MAF: variants seen among roughly 807,000 people sequenced by gnomAD.
The protein encoded by MAF is transcription factor Maf.
A neutral mutation model predicts 22.0 loss-of-function variants in MAF; 10 were observed. The observed-to-expected ratio is 0.45, with a 90% CI of 0.28 to 0.77. MAF has a LOEUF of 0.77. Ranked by LOEUF, MAF falls within the 30% of genes least tolerant of loss-of-function variation. MAF has a pLI of 0.12. For synonymous variants in MAF, 337 were observed against 255.8 expected (o/e 1.32, Z -3.03); for missense variants, 544 against 548.4 (o/e 0.99, Z 0.08).
At chr16:79,502,715 ATATAT>A in the MAF span, among the ~76,000 whole-genome samples, 657 of 40,854 alleles carry the variant, frequency 0.016, 8 homozygotes, top group Middle Eastern at 0.093. Flanking sequence ...ATAAATATAT[ATATAT>A]ATATATATAT....
At chr16:79,508,288 T>C in the MAF span, among the ~76,000 whole-genome samples, 2 of 152,204 alleles carry the variant, frequency 1.3e-5, no homozygotes, top group African/African-American at 4.8e-5. Context: ...TGGCTTCTTG[T>C]TGGACTTGGC....
chr16:79,206,747 T>C, the MAF span: 24,533 of 152,214 alleles, frequency 0.16, 2,223 homozygotes, highest in East Asian at 0.27. Flanking sequence ...AATTGTATAA[T>C]TTCATTATAG....
the MAF span, among the ~76,000 whole-genome samples, chr16:79,519,717 T>C: frequency 6.6e-6 from 1 of 152,224 alleles, no homozygotes; most frequent in Non-Finnish European, 1.5e-5. Flanking sequence ...ACTGCTGTAA[T>C]TGTACTGGTT....
the MAF span, among the ~76,000 whole-genome samples, chr16:79,352,451 G>T: frequency 1.3e-5 from 2 of 152,226 alleles, no homozygotes; most frequent in South Asian, 2.1e-4. Flanking sequence ...GGGAATTTGG[G>T]CAGTTTCTGA....
At chr16:79,255,891 T>C in the MAF span, among the ~76,000 whole-genome samples, 1 of 151,994 alleles carries the variant, frequency 6.6e-6, no homozygotes, top group Non-Finnish European at 1.5e-5. Context: ...TCATGGTACC[T>C]GGTGTGAGAA....
At chr16:79,424,298 G>C in the MAF span, among the ~76,000 whole-genome samples, 25 of 152,080 alleles carry the variant, frequency 1.6e-4, no homozygotes, top group African/African-American at 5.6e-4. Context: ...CAGAAACAAA[G>C]TGACATGGTA....
chr16:79,524,711 A>T, the MAF span, among the ~76,000 whole-genome samples: 1 of 152,198 alleles, frequency 6.6e-6, no homozygotes, highest in Non-Finnish European at 1.5e-5. Context: ...AAATATAGAA[A>T]TCATTCTGTT....
chr16:79,435,903 T>C, the MAF span, among the ~76,000 whole-genome samples: 3 of 152,158 alleles, frequency 2.0e-5, no homozygotes, highest in Non-Finnish European at 4.4e-5. Context: ...TGGCCTTCAA[T>C]TCACAGGTAA....
chr16:79,574,154 G>T, the MAF span, among the ~76,000 whole-genome samples: 1 of 152,200 alleles, frequency 6.6e-6, no homozygotes, highest in Non-Finnish European at 1.5e-5. Flanking sequence ...AAGGCAGAGT[G>T]AAGAGTGCCT....
At chr16:79,532,569 C>A in the MAF span, among the ~76,000 whole-genome samples, 7 of 152,114 alleles carry the variant, frequency 4.6e-5, no homozygotes, top group Non-Finnish European at 7.3e-5. Flanking sequence ...TAAACTCAGA[C>A]AAGATTTAAC....
At chr16:79,345,028 T>C in the MAF span, among the ~76,000 whole-genome samples, 1 of 152,184 alleles carries the variant, frequency 6.6e-6, no homozygotes, top group Admixed American at 6.5e-5. Context: ...TTTACTTAGA[T>C]TTACAAAAGG....
At chr16:79,345,561 C>G in the MAF span, among the ~76,000 whole-genome samples, 1 of 151,666 alleles carries the variant, frequency 6.6e-6, no homozygotes, top group Non-Finnish European at 1.5e-5. Context: ...AACCCTGTCT[C>G]TACTAAAAGC....
At chr16:79,436,768 G>A in the MAF span, among the ~76,000 whole-genome samples, 2 of 152,128 alleles carry the variant, frequency 1.3e-5, no homozygotes, top group African/African-American at 4.8e-5. Context: ...ATGACGTGAT[G>A]CCCTCTTGGA....
the MAF span, among the ~76,000 whole-genome samples, chr16:79,551,357 T>A: frequency 7.9e-5 from 12 of 152,014 alleles, no homozygotes; most frequent in Non-Finnish European, 1.6e-4. Context: ...TGATATGGAG[T>A]CTTTCACTTT....
downstream of MAF, among the ~76,000 whole-genome samples, chr16:79,593,199 G>C (rs1393706580): frequency 1.3e-5 from 2 of 152,212 alleles, no homozygotes; most frequent in African/African-American, 4.8e-5. Flanking sequence ...AAAGCCAAGA[G>C]TATGTGAATA....
the MAF span, among the ~76,000 whole-genome samples, chr16:79,533,039 T>C: frequency 6.6e-6 from 1 of 152,246 alleles, no homozygotes; most frequent in Non-Finnish European, 1.5e-5. Context: ...CGATGACTAA[T>C]ACAGGAATGC....
At chr16:79,365,031 G>A in the MAF span, among the ~76,000 whole-genome samples, 1 of 152,164 alleles carries the variant, frequency 6.6e-6, no homozygotes, top group South Asian at 2.1e-4. Context: ...GTTAAAGTGG[G>A]AAGTCCCTAG....
chr16:79,211,649 A>G, the MAF span: 1 of 1,614,192 alleles, frequency 6.2e-7, no homozygotes, highest in Non-Finnish European at 8.5e-7. Flanking sequence ...CTGCTGTCCC[A>G]GAACTGGAGG....
At chr16:79,235,428 G>T in the MAF span, among the ~76,000 whole-genome samples, 1 of 152,034 alleles carries the variant, frequency 6.6e-6, no homozygotes, top group Non-Finnish European at 1.5e-5. Context: ...TGGGCATGGT[G>T]GCACACGCCT....
Sources: allele counts gnomAD v4.1 joint callset (sites outside exome capture counted in the v4.1 genomes callset), GRCh38; gene constraint gnomAD v4.1.1; transcripts MANE v1.5; gene names NCBI Gene and HGNC (gene_info 2026-07-23, HGNC 2026-07-21).